Variants in PTK2 observed in about 807,000 individuals in gnomAD.
PTK2 encodes focal adhesion kinase 1.
Under a neutral mutation model 150.1 loss-of-function variants are expected in PTK2, and 45 were observed. The ratio of observed to expected loss-of-function variants is 0.30; its 90% confidence interval spans 0.24 to 0.38. PTK2 has a LOEUF of 0.38. Ranked by LOEUF, PTK2 falls within the 10% of genes least tolerant of loss-of-function variation. PTK2 has a pLI of 1.00. For synonymous variants in PTK2, 432 were observed against 449.2 expected (o/e 0.96, Z 0.48); for missense variants, 919 against 1,307.3 (o/e 0.70, Z 4.58).
intron 21 of PTK2, 39 bp from the exon 25 acceptor site, chr8:140,735,494 A>G (rs1392802241): frequency 6.3e-7 from 1 of 1,594,602 alleles, no homozygotes. Context: ...TGAGCTCAGT[A>G]TGAAGAATGT....
intron 22 of PTK2, among the ~76,000 whole-genome samples, chr8:140,722,443 TTAAATAA>T (rs2100043464): frequency 6.6e-6 from 1 of 152,024 alleles, no homozygotes; most frequent in Non-Finnish European, 1.5e-5. Flanking sequence ...TTTGTAACAA[TTAAATAA>T]TAAATAAAAA....
intron 27 of PTK2, among the ~76,000 whole-genome samples, chr8:140,679,020 T>TTTTG (rs1564186207): frequency 1.9e-5 from 2 of 104,354 alleles, no homozygotes; most frequent in African/African-American, 1.1e-4. Context: ...TTTTTTTTTT[T>TTTTG]TTTTTTTTTT....
chr8:140,724,626 CAGAG>C (rs2100044759), intron 22 of PTK2, among the ~76,000 whole-genome samples: 1 of 152,080 alleles, frequency 6.6e-6, no homozygotes, highest in South Asian at 2.1e-4. Flanking sequence ...AGAAAACACC[CAGAG>C]AGAGAACAGC....
At chr8:140,752,041 C>A in intron 17 of PTK2, 191 bp downstream of exon 20, 1 of 700,948 alleles carries the variant, frequency 1.4e-6, no homozygotes, top group East Asian at 2.7e-5. Context: ...ACACATAAAA[C>A]ATGATGGTTT....
chr8:140,671,649 C>T (rs1309286165), intron 29 of PTK2, among the ~76,000 whole-genome samples: 1 of 150,984 alleles, frequency 6.6e-6, no homozygotes, highest in Non-Finnish European at 1.5e-5. Flanking sequence ...TGCGGTGGCT[C>T]ATGCCTGTAA....
chr8:140,660,573 A>T, intron 31 of PTK2: 1 of 453,068 alleles, frequency 2.2e-6, no homozygotes, highest in East Asian at 7.0e-5. Context: ...AAAAATACAA[A>T]AAGTTAGCTG....
intron 3 of PTK2, among the ~76,000 whole-genome samples, chr8:140,880,609 A>G (rs1568083444): frequency 2.0e-5 from 3 of 152,214 alleles, no homozygotes; most frequent in Non-Finnish European, 4.4e-5. Flanking sequence ...AAAGAAAATA[A>G]TCACTGCTTT....
chr8:140,763,002 G>A (rs62524104), intron 15 of PTK2, among the ~76,000 whole-genome samples: 36,574 of 152,040 alleles, frequency 0.24, 5,027 homozygotes, highest in Admixed American at 0.37. Flanking sequence ...GGTTGGTAAC[G>A]TACTCTTAGA....
chr8:140,735,037 T>C, intron 22 of PTK2: 1 of 583,346 alleles, frequency 1.7e-6, no homozygotes, highest in Non-Finnish European at 3.0e-6. Flanking sequence ...TGACCATAAT[T>C]GGAGCTTTAT....
At chr8:140,719,811 G>A (rs1273125197) in intron 22 of PTK2, among the ~76,000 whole-genome samples, 3 of 150,164 alleles carry the variant, frequency 2.0e-5, no homozygotes, top group East Asian at 1.9e-4. Context: ...GCTTGAGTCC[G>A]GGAGGTGGAG....
intron 2 of PTK2, among the ~76,000 whole-genome samples, chr8:140,912,108 T>C (rs2100163408): frequency 6.6e-6 from 1 of 152,084 alleles, no homozygotes; most frequent in Non-Finnish European, 1.5e-5. Flanking sequence ...CCAGGTATGG[T>C]GGCACGCACC....
chr8:140,889,019 A>G (rs1287155548), intron 3 of PTK2, among the ~76,000 whole-genome samples: 1 of 152,192 alleles, frequency 6.6e-6, no homozygotes, highest in Non-Finnish European at 1.5e-5. Context: ...CTACCAAATG[A>G]CAGTGTTTTA....
At chr8:140,920,055 A>T (rs956396852) in intron 2 of PTK2, among the ~76,000 whole-genome samples, 49 of 152,286 alleles carry the variant, frequency 3.2e-4, no homozygotes, top group African/African-American at 1.0e-3. Context: ...TCCTTTTAAA[A>T]ATCTTTCCTA....
chr8:140,876,546 A>C (rs562402112), intron 4 of PTK2, among the ~76,000 whole-genome samples: 62 of 150,574 alleles, frequency 4.1e-4, no homozygotes, highest in Non-Finnish European at 7.3e-4. Flanking sequence ...GATTTTGTTA[A>C]TCCTGTATTT....
chr8:140,991,521 T>G (rs1318376090), intron 1 of PTK2, among the ~76,000 whole-genome samples: 1 of 152,100 alleles, frequency 6.6e-6, no homozygotes, highest in Non-Finnish European at 1.5e-5. Flanking sequence ...ATTTTGAAAA[T>G]CCTAAAAAAC....
intron 2 of PTK2, among the ~76,000 whole-genome samples, chr8:140,918,255 A>C (rs2100166076): frequency 6.6e-6 from 1 of 152,208 alleles, no homozygotes; most frequent in Non-Finnish European, 1.5e-5. Context: ...GAGCAAAAGG[A>C]CAACGGCCCA....
intron 31 of PTK2, chr8:140,660,700 T>C (rs1937617037): frequency 2.3e-6 from 1 of 443,592 alleles, no homozygotes; most frequent in Non-Finnish European, 4.5e-6. Context: ...CACTCCAGCC[T>C]GGGTGACAGA....
chr8:140,863,543 C>T (rs1001880407), intron 5 of PTK2, among the ~76,000 whole-genome samples: 4 of 152,188 alleles, frequency 2.6e-5, no homozygotes, highest in Non-Finnish European at 4.4e-5. Context: ...CTCTCCCCTC[C>T]GTGTTCTTGT....
chr8:140,809,816 T>C (rs1309349265), intron 10 of PTK2, among the ~76,000 whole-genome samples: 6 of 152,184 alleles, frequency 3.9e-5, no homozygotes, highest in Non-Finnish European at 8.8e-5. Context: ...AAAAAAGATC[T>C]ATTACTTTTG....
Sources: gnomAD v4.1 joint callset for allele counts (sites outside exome capture counted in the v4.1 genomes callset) on GRCh38, gnomAD v4.1.1 for gene constraint, MANE v1.5 for transcripts, NCBI Gene and HGNC (gene_info 2026-07-23, HGNC 2026-07-21) for gene names.